The following RTL9 variants were observed in gnomAD, a reference collection of about 807,000 sequenced individuals.
The protein encoded by RTL9 is retrotransposon Gag like 9, also known as retrotransposon Gag-like protein 9.
In RTL9, 19 loss-of-function variants were observed where a neutral mutation model predicts 44.7. That is an observed-to-expected ratio of 0.42 (90% confidence interval 0.30 to 0.62). The LOEUF (loss-of-function observed/expected upper bound fraction) is 0.62. RTL9 is among the 20% of genes least tolerant of loss of function. RTL9 has a pLI of 0.16. For missense variants in RTL9, 1,105 were observed against 1,080.6 expected (o/e 1.02, Z -0.32); for synonymous variants, 407 against 398.9 (o/e 1.02, Z -0.24).
At chrX:110,412,402 A>G (rs1229126864) in intron 1 of RTL9, among the ~76,000 whole-genome samples, 1 of 112,450 alleles carries the variant, frequency 8.9e-6, no homozygotes, top group Non-Finnish European at 1.9e-5. Flanking sequence ...ATACATCCCA[A>G]TAATGACATA....
chrX:110,450,860 A>G, exon 1 of RTL9: 1 of 1,211,679 alleles, frequency 8.3e-7, no homozygotes, highest in Non-Finnish European at 1.1e-6. Context: ...TAATGGGAGT[A>G]CCAAACTCTG....
At chrX:110,386,346 TTTTA>T (rs2068455044) in intron 1 of RTL9, among the ~76,000 whole-genome samples, 1 of 109,951 alleles carries the variant, frequency 9.1e-6, no homozygotes, top group African/African-American at 3.3e-5. Context: ...ATTATATTTA[TTTTA>T]TTTTTTATTT....
intron 1 of RTL9, among the ~76,000 whole-genome samples, chrX:110,378,008 C>CAAAAAAAA (rs755483656): frequency 5.8e-4 from 18 of 30,944 alleles, no homozygotes; most frequent in African/African-American, 2.3e-3. Flanking sequence ...GACTCCGTCT[C>CAAAAAAAA]AAAAAAAAAA....
exon 1 of RTL9, chrX:110,453,484 C>T: frequency 8.3e-7 from 1 of 1,211,946 alleles, no homozygotes. Context: ...TTAATGAGAG[C>T]CCCGGCCTCT....
intron 1 of RTL9, among the ~76,000 whole-genome samples, chrX:110,383,218 G>A (rs1218088138): frequency 9.0e-6 from 1 of 111,222 alleles, no homozygotes; most frequent in Non-Finnish European, 1.9e-5. Flanking sequence ...TTGAATATAT[G>A]AGGGTCTTCT....
chrX:110,440,131 G>A (rs1171044714), intron 1 of RTL9: 3 of 111,058 alleles, frequency 2.7e-5, no homozygotes, highest in South Asian at 7.8e-4. Context: ...GGTGCTGGCA[G>A]CCACACTGCT....
intron 1 of RTL9, among the ~76,000 whole-genome samples, chrX:110,438,235 T>C (rs894272733): frequency 1.1e-4 from 12 of 111,105 alleles, no homozygotes; most frequent in South Asian, 3.8e-4. Flanking sequence ...TCCCAAGAGG[T>C]TGGCATTTTA....
intron 1 of RTL9, among the ~76,000 whole-genome samples, chrX:110,359,783 A>G (rs1384528989): frequency 3.6e-5 from 4 of 111,948 alleles, no homozygotes. Flanking sequence ...ATAGCAGCAC[A>G]TATACTAAGT....
chrX:110,384,027 T>C (rs184960338), intron 1 of RTL9, among the ~76,000 whole-genome samples: 2 of 112,284 alleles, frequency 1.8e-5, no homozygotes, highest in Admixed American at 1.9e-4. Context: ...ATTGCAAATG[T>C]TAGTAAATAT....
intron 1 of RTL9, among the ~76,000 whole-genome samples, chrX:110,399,394 T>C (rs1434744575): frequency 8.9e-6 from 1 of 112,600 alleles, no homozygotes; most frequent in African/African-American, 3.2e-5. Flanking sequence ...AACCCTGTGG[T>C]CTCACTTCCT....
intron 1 of RTL9, among the ~76,000 whole-genome samples, chrX:110,360,201 T>G (rs1052686129): frequency 4.5e-5 from 5 of 111,207 alleles, no homozygotes; most frequent in Non-Finnish European, 9.4e-5. Context: ...GTGGTCATGG[T>G]GGGTCTAAAG....
intron 1 of RTL9, among the ~76,000 whole-genome samples, chrX:110,410,301 G>C (rs780415188): frequency 5.7e-4 from 64 of 111,864 alleles, no homozygotes; most frequent in Non-Finnish European, 9.4e-4. Context: ...CCTAGAGGTA[G>C]AGGACAGAGG....
At chrX:110,361,855 A>G (rs1434426483) in intron 1 of RTL9, among the ~76,000 whole-genome samples, 2 of 112,223 alleles carry the variant, frequency 1.8e-5, no homozygotes, top group Non-Finnish European at 3.8e-5. Flanking sequence ...GAGCCACGTA[A>G]TCTTTAACAC....
chrX:110,436,122 G>A (rs996260461), intron 1 of RTL9, among the ~76,000 whole-genome samples: 1 of 112,510 alleles, frequency 8.9e-6, no homozygotes, highest in African/African-American at 3.2e-5. Context: ...TGCTAGCATC[G>A]CTGATTTAGG....
At chrX:110,431,323 CTGTG>C (rs759432836) in intron 1 of RTL9, among the ~76,000 whole-genome samples, 24 of 94,937 alleles carry the variant, frequency 2.5e-4, no homozygotes, top group South Asian at 9.8e-4. Context: ...GAGGGGAAGG[CTGTG>C]TGTGTGTGTG....
intron 1 of RTL9, among the ~76,000 whole-genome samples, chrX:110,386,927 A>C (rs1393204035): frequency 8.9e-6 from 1 of 112,411 alleles, no homozygotes; most frequent in Non-Finnish European, 1.9e-5. Flanking sequence ...TTTAAATAGC[A>C]GTTCAGGACC....
intron 1 of RTL9, among the ~76,000 whole-genome samples, chrX:110,400,386 G>A (rs758411412): frequency 7.4e-5 from 8 of 108,679 alleles, no homozygotes; most frequent in South Asian, 4.1e-4. Context: ...ATGGCTTTCC[G>A]TATTGTTCTG....
intron 1 of RTL9, among the ~76,000 whole-genome samples, chrX:110,425,920 G>T (rs995282586): frequency 8.9e-6 from 1 of 112,314 alleles, no homozygotes; most frequent in Non-Finnish European, 1.9e-5. Context: ...TTTATTGAGT[G>T]CTCTGTGTCA....
chrX:110,445,705 C>G (rs1158299660), upstream of RTL9, among the ~76,000 whole-genome samples: 1 of 112,131 alleles, frequency 8.9e-6, no homozygotes, highest in South Asian at 3.8e-4. Context: ...ATTGAACCGT[C>G]TCTTGTTTAT....
Sources: gnomAD v4.1 joint callset for allele counts (sites outside exome capture counted in the v4.1 genomes callset) on GRCh38, gnomAD v4.1.1 for gene constraint, MANE v1.5 for transcripts, NCBI Gene and HGNC (gene_info 2026-07-23, HGNC 2026-07-21) for gene names.